AFG2A: variants seen among roughly 807,000 people sequenced by gnomAD.
AFG2A encodes AAA ATPase AFG2A, also known as ATPase family gene 2 protein homolog A.
At chr4:123,130,923 G>C in the AFG2A span, among the ~76,000 whole-genome samples, 1 of 139,260 alleles carries the variant, frequency 7.2e-6, no homozygotes, top group African/African-American at 2.6e-5. Context: ...GCTTGTTATT[G>C]TCAGTGTTTT....
the AFG2A span, among the ~76,000 whole-genome samples, chr4:123,129,905 G>A: frequency 2.0e-5 from 3 of 151,818 alleles, no homozygotes; most frequent in Non-Finnish European, 4.4e-5. Context: ...TTAATTTTAT[G>A]AAGTAAATTC....
At chr4:123,044,420 A>G in the AFG2A span, among the ~76,000 whole-genome samples, 5 of 152,122 alleles carry the variant, frequency 3.3e-5, no homozygotes, top group Admixed American at 2.0e-4. Context: ...GTAAACTGCT[A>G]TCTCATTAGG....
chr4:123,182,048 C>G, the AFG2A span, among the ~76,000 whole-genome samples: 11,458 of 152,158 alleles, frequency 0.075, 1,442 homozygotes, highest in African/African-American at 0.26. Context: ...AGCTCTGAAA[C>G]TCTGAGTTTC....
At chr4:122,981,102 G>A in the AFG2A span, among the ~76,000 whole-genome samples, 19 of 152,070 alleles carry the variant, frequency 1.2e-4, 1 homozygote, top group African/African-American at 4.6e-4. Flanking sequence ...TTTTCCTTAT[G>A]TTTTCTTCTA....
the AFG2A span, among the ~76,000 whole-genome samples, chr4:123,041,893 A>AACT: frequency 6.6e-6 from 1 of 152,156 alleles, no homozygotes; most frequent in African/African-American, 2.4e-5. Context: ...AGAAAGATAA[A>AACT]ACTACTTCTG....
At chr4:123,188,217 G>A in the AFG2A span, among the ~76,000 whole-genome samples, 1 of 151,812 alleles carries the variant, frequency 6.6e-6, no homozygotes, top group East Asian at 1.9e-4. Context: ...CTCCTTAATA[G>A]ATGCATTCCT....
chr4:123,296,282 A>G, the AFG2A span, among the ~76,000 whole-genome samples: 78,077 of 152,084 alleles, frequency 0.51, 24,611 homozygotes, highest in Non-Finnish European at 0.67. Context: ...AGAGGGATGC[A>G]GGAAGCAAAA....
the AFG2A span, among the ~76,000 whole-genome samples, chr4:122,924,576 CT>C: frequency 5.3e-5 from 8 of 152,166 alleles, no homozygotes; most frequent in Admixed American, 5.2e-4. Context: ...GTCCTCTTCC[CT>C]TGACCATTAA....
chr4:123,057,965 T>A, the AFG2A span, among the ~76,000 whole-genome samples: 1 of 152,206 alleles, frequency 6.6e-6, no homozygotes, highest in Non-Finnish European at 1.5e-5. Context: ...GTATATTGAT[T>A]ATAAAATTTT....
At chr4:123,051,134 A>T in the AFG2A span, among the ~76,000 whole-genome samples, 1 of 150,374 alleles carries the variant, frequency 6.7e-6, no homozygotes, top group African/African-American at 2.5e-5. Context: ...CCATTTCGAT[A>T]CATTTTTTTT....
chr4:123,290,887 G>A, the AFG2A span, among the ~76,000 whole-genome samples: 4 of 152,142 alleles, frequency 2.6e-5, no homozygotes, highest in African/African-American at 4.8e-5. Context: ...ACTGCTGTTG[G>A]TGGAGCGTTT....
chr4:122,987,198 C>T, the AFG2A span, among the ~76,000 whole-genome samples: 1 of 151,794 alleles, frequency 6.6e-6, no homozygotes, highest in African/African-American at 2.4e-5. Context: ...GCTATTTATG[C>T]AAATAGCAAT....
chr4:123,092,269 G>A, the AFG2A span, among the ~76,000 whole-genome samples: 1 of 152,186 alleles, frequency 6.6e-6, no homozygotes. Context: ...AATAAAGGGT[G>A]CTGAATCCAG....
chr4:123,091,122 G>A, the AFG2A span, among the ~76,000 whole-genome samples: 1 of 152,184 alleles, frequency 6.6e-6, no homozygotes, highest in Non-Finnish European at 1.5e-5. Flanking sequence ...AAGTGTTGGA[G>A]GACATCCTGT....
the AFG2A span, among the ~76,000 whole-genome samples, chr4:122,944,311 A>G: frequency 6.6e-6 from 1 of 151,570 alleles, no homozygotes; most frequent in African/African-American, 2.4e-5. Flanking sequence ...ATAGTCCCAT[A>G]TTTCTTGGAT....
the AFG2A span, chr4:122,933,970 A>T: frequency 1.2e-5 from 13 of 1,127,222 alleles, no homozygotes; most frequent in Admixed American, 1.2e-4. Context: ...TTTTATGACA[A>T]TTATTTTATT....
At chr4:123,278,055 C>G in the AFG2A span, among the ~76,000 whole-genome samples, 2 of 152,102 alleles carry the variant, frequency 1.3e-5, no homozygotes, top group East Asian at 3.9e-4. Flanking sequence ...ATGGTACCAG[C>G]TCTTCTTTAT....
the AFG2A span, among the ~76,000 whole-genome samples, chr4:122,924,969 G>A: frequency 4.1e-3 from 620 of 152,132 alleles, 1 homozygote; most frequent in African/African-American, 0.014. Context: ...GTAACAAATC[G>A]TTGTGGGTCA....
the AFG2A span, among the ~76,000 whole-genome samples, chr4:123,016,818 C>T: frequency 6.6e-6 from 1 of 152,168 alleles, no homozygotes; most frequent in African/African-American, 2.4e-5. Context: ...CCACTGCACT[C>T]CAGCCTGGGC....
Sources: gnomAD v4.1 joint callset for allele counts (sites outside exome capture counted in the v4.1 genomes callset) on GRCh38, gnomAD v4.1.1 for gene constraint, MANE v1.5 for transcripts, NCBI Gene and HGNC (gene_info 2026-07-23, HGNC 2026-07-21) for gene names.